LHFPL2: variants seen among roughly 807,000 people sequenced by gnomAD.
The protein encoded by LHFPL2 is LHFPL tetraspan subfamily member 2 protein.
LHFPL2 carries 7 observed loss-of-function variants against 17.5 expected under a neutral mutation model. That is an observed-to-expected ratio of 0.40 (90% CI 0.23 to 0.75). The LOEUF (loss-of-function observed/expected upper bound fraction) is 0.75. Ranked by LOEUF, LHFPL2 falls within the 30% of genes least tolerant of loss-of-function variation. The probability of loss-of-function intolerance (pLI) is 0.37; values close to 1 mark genes in which losing one functional copy is unlikely to be tolerated. For synonymous variants in LHFPL2, 134 were observed against 116.2 expected (o/e 1.15, Z -0.99); for missense variants, 241 against 294.8 (o/e 0.82, Z 1.34).
chr5:78,645,657 G>A (rs1448596550), intron 1 of LHFPL2, among the ~76,000 whole-genome samples: 1 of 151,206 alleles, frequency 6.6e-6, no homozygotes, highest in Non-Finnish European at 1.5e-5. Flanking sequence ...GTCTCAGCTC[G>A]CTGTAACCTC....
intron 4 of LHFPL2, chr5:78,494,491 G>A: frequency 2.0e-6 from 2 of 985,406 alleles, no homozygotes; most frequent in Non-Finnish European, 2.4e-6. Flanking sequence ...GAAGACGTTA[G>A]CATCTGCTGG....
intron 2 of LHFPL2, among the ~76,000 whole-genome samples, chr5:78,592,762 T>C (rs1172161285): frequency 7.1e-6 from 1 of 141,194 alleles, no homozygotes; most frequent in Non-Finnish European, 1.5e-5. Flanking sequence ...ACATTACTCT[T>C]CAACTTAGTG....
chr5:78,633,186 G>A (rs1745315259), intron 1 of LHFPL2, among the ~76,000 whole-genome samples: 1 of 152,208 alleles, frequency 6.6e-6, no homozygotes, highest in Non-Finnish European at 1.5e-5. Flanking sequence ...TGCCCCAAAT[G>A]CCACATCCTG....
intron 3 of LHFPL2, among the ~76,000 whole-genome samples, chr5:78,562,791 C>T (rs1477857197): frequency 6.6e-6 from 1 of 151,960 alleles, no homozygotes; most frequent in Non-Finnish European, 1.5e-5. Flanking sequence ...ACAGAGAAGG[C>T]TGGTTTTATT....
At chr5:78,623,207 A>C (rs753264101) in intron 2 of LHFPL2, among the ~76,000 whole-genome samples, 1 of 152,222 alleles carries the variant, frequency 6.6e-6, no homozygotes, top group Non-Finnish European at 1.5e-5. Flanking sequence ...CATGTATACT[A>C]TTTGACTTTG....
In LHFPL2 at chr5:78,488,689, G is replaced by A; in HGVS notation, c.*208C>T. The A allele has an allele frequency of 1.7e-6, 1 of 593,406 alleles. No homozygotes were observed. Among genetic ancestry groups the A allele is most frequent in the Admixed American group, 3.0e-5 (1 of 33,568 alleles). The allele number at this position is 593,406 out of a possible 1,614,324, so 36.8% of individuals were successfully genotyped here. ...GTCTAGGATTATATACTATTTTCAT[G>A]TTCCATTCCTTATAATGTGCACTGC... On this transcript the variant is annotated 3_prime_UTR_variant, in exon 5 of 5. Transcript: ENST00000380345.
chr5:78,621,008 C>T (rs1000202543), intron 2 of LHFPL2, among the ~76,000 whole-genome samples: 10 of 151,012 alleles, frequency 6.6e-5, no homozygotes, highest in Non-Finnish European at 1.5e-4. Flanking sequence ...TGCTCTGTCA[C>T]CCAGGCTGGA....
At chr5:78,635,999 G>GACACACAC (rs5868927) in intron 1 of LHFPL2, among the ~76,000 whole-genome samples, 68 of 150,884 alleles carry the variant, frequency 4.5e-4, no homozygotes, top group African/African-American at 9.0e-4. Flanking sequence ...CACACACACA[G>GACACACAC]ACACACACAC....
intron 4 of LHFPL2, among the ~76,000 whole-genome samples, chr5:78,509,552 C>T (rs1755037193): frequency 6.6e-6 from 1 of 152,136 alleles, no homozygotes; most frequent in African/African-American, 2.4e-5. Flanking sequence ...ATGAGGAGGA[C>T]CACGTAAGAC....
intron 2 of LHFPL2, among the ~76,000 whole-genome samples, chr5:78,613,530 T>G (rs921426654): frequency 6.6e-6 from 1 of 151,946 alleles, no homozygotes; most frequent in African/African-American, 2.4e-5. Context: ...CCCCATAAGG[T>G]GGTTGTGAAG....
At position 78,516,428 on chromosome 5, in the gene LHFPL2, G is replaced by A. The variant is rs118031225; in HGVS notation, c.-185-6030C>T. Reference sequence around the variant, plus strand: ...CAGGGGACGTTTGGCAATGTCTGAAGGCATTTGGGGCTGTCACAGCTGTGG... The same window carrying A: ...CAGGGGACGTTTGGCAATGTCTGAAAGCATTTGGGGCTGTCACAGCTGTGG... On this transcript the variant is annotated intron_variant, in intron 3 of 4. Coordinates refer to ENST00000380345, the MANE Select transcript of LHFPL2 (RefSeq NM_005779.3). Among the ~76,000 whole-genome samples the A allele has an allele frequency of 1.3e-3, 194 of 152,250 alleles. 6 individuals are homozygous for A. In the East Asian group the frequency reaches 0.031, roughly 24 times the overall value.
In LHFPL2 at chr5:78,617,023, CTCTTT is replaced by C. The variant is rs746242845; in HGVS notation, c.-245+15236_-245+15240del. Among the ~76,000 whole-genome samples the C allele has an allele frequency of 1.1e-4, 17 of 152,038 alleles. No individual in the cohort carries two copies. The East Asian group carries it at 1.9e-3, about 17-fold the overall frequency. On this transcript the variant is annotated intron_variant, in intron 2 of 4. Coordinates refer to ENST00000380345, the MANE Select transcript of LHFPL2 (RefSeq NM_005779.3). ...AGTAATTATGACACTTCTAGAGTTT[CTCTTT>C]TTTTTTTCTTTTTTTTTGAGATGGA...
At chr5:78,604,384 G>A (rs2112477392) in intron 2 of LHFPL2, among the ~76,000 whole-genome samples, 1 of 152,326 alleles carries the variant, frequency 6.6e-6, no homozygotes, top group Non-Finnish European at 1.5e-5. Context: ...GGCTGAGGCA[G>A]GAGAATGGCT....
chr5:78,514,531 C>T (rs7705804), intron 3 of LHFPL2, among the ~76,000 whole-genome samples: 42,714 of 152,020 alleles, frequency 0.28, 6,270 homozygotes, highest in East Asian at 0.47. Context: ...AGAGCTGAGC[C>T]GGGGTTTGTC....
chr5:78,570,647 T>C (rs918704507), intron 2 of LHFPL2, among the ~76,000 whole-genome samples: 2 of 146,944 alleles, frequency 1.4e-5, no homozygotes, highest in African/African-American at 2.5e-5. Context: ...TATATATATA[T>C]ACGTATATAT....
chr5:78,628,318 A>G (rs1378786232), intron 2 of LHFPL2, among the ~76,000 whole-genome samples: 2 of 152,108 alleles, frequency 1.3e-5, no homozygotes, highest in Admixed American at 1.3e-4. Context: ...TTCTACCCCA[A>G]TTCTCTCTCT....
chr5:78,514,357 T>A (rs1256759024), intron 3 of LHFPL2, among the ~76,000 whole-genome samples: 3 of 147,124 alleles, frequency 2.0e-5, no homozygotes, highest in Non-Finnish European at 3.0e-5. Context: ...CCTCTTCACT[T>A]AAAAAAAAAA....
chr5:78,624,053 T>C (rs1744950666), intron 2 of LHFPL2, among the ~76,000 whole-genome samples: 1 of 152,256 alleles, frequency 6.6e-6, no homozygotes, highest in African/African-American at 2.4e-5. Flanking sequence ...ATTCAAGCTC[T>C]AATAGCCTAG....
intron 2 of LHFPL2, among the ~76,000 whole-genome samples, chr5:78,588,719 T>A (rs931022230): frequency 6.6e-6 from 1 of 152,202 alleles, no homozygotes; most frequent in African/African-American, 2.4e-5. Context: ...CTCTCTAGCC[T>A]CAATTTTCTC....
Sources: gnomAD v4.1 joint callset for allele counts (sites outside exome capture counted in the v4.1 genomes callset) on GRCh38, gnomAD v4.1.1 for gene constraint, MANE v1.5 for transcripts, NCBI Gene and HGNC (gene_info 2026-07-23, HGNC 2026-07-21) for gene names.